SKAP1: variants seen among roughly 807,000 people sequenced by gnomAD.
The protein encoded by SKAP1 is src kinase-associated phosphoprotein 1.
A neutral mutation model predicts 58.5 loss-of-function variants in SKAP1; 44 were observed. The observed-to-expected ratio is 0.75, with a 90% CI of 0.59 to 0.97. SKAP1 has a LOEUF of 0.97. SKAP1 is among the 50% of genes least tolerant of loss of function. The pLI, the probability that SKAP1 is intolerant of heterozygous loss-of-function variation, is 0.00. For missense variants in SKAP1, 390 were observed against 435.2 expected (o/e 0.90, Z 0.92); for synonymous variants, 127 against 149.7 (o/e 0.85, Z 1.11).
At chr17:48,305,176 GTTAT>G (rs1208368273) in intron 4 of SKAP1, among the ~76,000 whole-genome samples, 1 of 152,062 alleles carries the variant, frequency 6.6e-6, no homozygotes, top group African/African-American at 2.4e-5. Context: ...TGTTGTTGTT[GTTAT>G]TTATTTGTTT....
intron 3 of SKAP1, among the ~76,000 whole-genome samples, chr17:48,356,564 GT>G (rs1360284906): frequency 6.6e-6 from 1 of 151,982 alleles, no homozygotes; most frequent in African/African-American, 2.4e-5. Context: ...TATAACAAGG[GT>G]CTCTGTGTGT....
chr17:48,154,822 G>A (rs1033459454), intron 11 of SKAP1, among the ~76,000 whole-genome samples: 22 of 152,052 alleles, frequency 1.4e-4, no homozygotes, highest in Non-Finnish European at 2.8e-4. Flanking sequence ...ACTTTGGGAG[G>A]CCAAGGCAGG....
Position 48,146,089 on chromosome 17 carries a change from G to A in SKAP1, c.979-8752C>T, listed in dbSNP as rs184445034. On this transcript the variant is annotated intron_variant, in intron 11 of 12. Coordinates refer to ENST00000336915, the MANE Select transcript of SKAP1 (RefSeq NM_003726.4). ...ATGAACCCTTTGCAGTTTACCAGCC[G>A]GCACTCTATGGGAAAAAAATACAAT... 1.0e-3 allele frequency among the ~76,000 whole-genome samples: 157 copies of A among 152,084 alleles called. 1 individual carries two copies. The highest frequency in any genetic ancestry group is 2.8e-3 in the African/African-American group (115 of 41,470).
intron 4 of SKAP1, among the ~76,000 whole-genome samples, chr17:48,265,363 G>A (rs912971155): frequency 3.9e-5 from 6 of 152,162 alleles, no homozygotes; most frequent in South Asian, 4.2e-4. Context: ...AAATTAGCCC[G>A]GCATGGTAGC....
chr17:48,257,866 G>A (rs1344885543), intron 4 of SKAP1, among the ~76,000 whole-genome samples: 1 of 151,998 alleles, frequency 6.6e-6, no homozygotes, highest in Admixed American at 6.6e-5. Context: ...GATAGTTGGA[G>A]CCTCTGAAGC....
At chr17:48,212,616 G>T (rs1000213096) in intron 4 of SKAP1, among the ~76,000 whole-genome samples, 1 of 152,184 alleles carries the variant, frequency 6.6e-6, no homozygotes, top group African/African-American at 2.4e-5. Flanking sequence ...GTGCTTGAGG[G>T]TTACAGATAA....
chr17:48,222,999 G>T (rs150651501), intron 4 of SKAP1, among the ~76,000 whole-genome samples: 3,719 of 139,390 alleles, frequency 0.027, 67 homozygotes, highest in Middle Eastern at 0.06. Flanking sequence ...GGGAGGCAGA[G>T]GTTGCAGTGA....
intron 4 of SKAP1, among the ~76,000 whole-genome samples, chr17:48,236,388 T>C (rs979951672): frequency 6.6e-6 from 1 of 152,244 alleles, no homozygotes. Flanking sequence ...AAATCTTGAA[T>C]ATTACATTAC....
intron 4 of SKAP1, among the ~76,000 whole-genome samples, chr17:48,324,852 C>T (rs1313312591): frequency 6.6e-6 from 1 of 152,060 alleles, no homozygotes; most frequent in Non-Finnish European, 1.5e-5. Context: ...CCACCTGCAG[C>T]GTGTGGTCAC....
chr17:48,403,449 C>A (rs2067528480), intron 1 of SKAP1, among the ~76,000 whole-genome samples: 2 of 151,214 alleles, frequency 1.3e-5, no homozygotes, highest in African/African-American at 4.9e-5. Flanking sequence ...ATATATGTAT[C>A]AGTGTGTGTG....
At chr17:48,145,935 C>T (rs1415688009) in intron 11 of SKAP1, among the ~76,000 whole-genome samples, 1 of 152,080 alleles carries the variant, frequency 6.6e-6, no homozygotes, top group South Asian at 2.1e-4. Flanking sequence ...GAACCCCTGG[C>T]CTCTCTGTGG....
At chr17:48,348,434 G>C (rs1054289478) in intron 3 of SKAP1, among the ~76,000 whole-genome samples, 5 of 151,524 alleles carry the variant, frequency 3.3e-5, no homozygotes, top group African/African-American at 4.8e-5. Context: ...ATCAGGAAGG[G>C]CTTTTTTTTT....
At chr17:48,304,403 T>G (rs569764104) in intron 4 of SKAP1, among the ~76,000 whole-genome samples, 1 of 152,224 alleles carries the variant, frequency 6.6e-6, no homozygotes, top group East Asian at 1.9e-4. Flanking sequence ...AACAAAAGTG[T>G]GGGAGAATGA....
chr17:48,276,488 A>T (rs1228271724), intron 4 of SKAP1, among the ~76,000 whole-genome samples: 5 of 152,202 alleles, frequency 3.3e-5, no homozygotes, highest in Non-Finnish European at 5.9e-5. Context: ...ACTAGGTCTT[A>T]TTCATCTTTA....
intron 2 of SKAP1, among the ~76,000 whole-genome samples, chr17:48,373,621 T>C (rs955816390): frequency 2.3e-4 from 35 of 152,180 alleles, no homozygotes; most frequent in African/African-American, 7.9e-4. Context: ...TAGACAGAGG[T>C]CTTTAACCTG....
chr17:48,171,395 C>T (rs1378149647), intron 9 of SKAP1, among the ~76,000 whole-genome samples: 6 of 152,036 alleles, frequency 3.9e-5, no homozygotes, highest in Non-Finnish European at 7.4e-5. Flanking sequence ...CGTGAGCCAC[C>T]GTGCCTGGCA....
chr17:48,346,015 C>CA lies in SKAP1; in HGVS notation c.179-10dup. On this transcript the variant is annotated splice_polypyrimidine_tract_variant and intron_variant, in intron 3 of 12. Coordinates refer to ENST00000336915, the MANE Select transcript of SKAP1 (RefSeq NM_003726.4). Reference sequence around the variant, plus strand: ...CTGTCCAATGTCTCCCCCTGAGGGACAAAAAAGACAGAAAATAAGGTTAAT... The same window carrying CA: ...CTGTCCAATGTCTCCCCCTGAGGGACAAAAAAAGACAGAAAATAAGGTTAAT... The CA allele has an allele frequency of 6.5e-7, 1 of 1,536,506 alleles. No homozygotes were observed.
chr17:48,342,022 G>A (rs2066659999), intron 4 of SKAP1, among the ~76,000 whole-genome samples: 1 of 151,798 alleles, frequency 6.6e-6, no homozygotes, highest in South Asian at 2.1e-4. Context: ...AGGTATGCAG[G>A]GATTCTTCAT....
At chr17:48,205,013 CT>C (rs35138934) in intron 4 of SKAP1, among the ~76,000 whole-genome samples, 9 of 76,070 alleles carry the variant, frequency 1.2e-4, no homozygotes, top group African/African-American at 3.2e-4. Context: ...TTCTTTCTTT[CT>C]TTTTCTTTCT....
Sources: allele counts gnomAD v4.1 joint callset (sites outside exome capture counted in the v4.1 genomes callset), GRCh38; gene constraint gnomAD v4.1.1; transcripts MANE v1.5; gene names NCBI Gene and HGNC (gene_info 2026-07-23, HGNC 2026-07-21).